MYLIP: variants seen among roughly 807,000 people sequenced by gnomAD.
The protein encoded by MYLIP is myosin regulatory light chain interacting protein.
A neutral mutation model predicts 45.8 loss-of-function variants in MYLIP; 26 were observed. The ratio of observed to expected loss-of-function variants is 0.57; its 90% CI spans 0.42 to 0.79. The LOEUF (loss-of-function observed/expected upper bound fraction) is 0.79. MYLIP is among the 30% of genes least tolerant of loss of function. The pLI, the probability that MYLIP is intolerant of heterozygous loss-of-function variation, is 0.00. For missense variants in MYLIP, 494 were observed against 555.6 expected, an observed-to-expected ratio of 0.89 and a Z score of 1.11; for synonymous variants, 213 against 218.1, an observed-to-expected ratio of 0.98 and a Z score of 0.21.
At chr6:16,158,082 T>G in the MYLIP span, among the ~76,000 whole-genome samples, 3,740 of 152,322 alleles carry the variant, frequency 0.025, 141 homozygotes, top group African/African-American at 0.082. Flanking sequence ...TGGAGGAAGC[T>G]GCTGTGTCAC....
In MYLIP at chr6:16,141,727, G is replaced by T. The variant is rs962630144; in HGVS notation, c.381G>T (p.Lys127Asn). 6.2e-7 allele frequency: 1 copy of T among 1,614,186 alleles called. No homozygotes were observed. Reference sequence around the variant, plus strand: ...TCAGTGCCCTCCTGGCCCAGACCAAGTTTGGAGACTACAACCAGAACACTG... The same window carrying T: ...TCAGTGCCCTCCTGGCCCAGACCAATTTTGGAGACTACAACCAGAACACTG... ...VELSALLAQT[K>N]FGDYNQNTAK... The change falls in exon 3 of 7, where the codon AAG (lysine) becomes AAT (asparagine). Residue 127 changes from lysine to asparagine, a missense_variant. Lys to Asn is a moderately conservative substitution (Grantham distance 94). Coordinates refer to ENST00000356840, the MANE Select transcript of MYLIP (RefSeq NM_013262.4).
At chr6:16,152,806 C>A (rs1446198973), downstream of MYLIP, among the ~76,000 whole-genome samples, 1 of 152,106 alleles carries the variant, frequency 6.6e-6, no homozygotes, top group Non-Finnish European at 1.5e-5. Flanking sequence ...GGAAGGTGAG[C>A]CAGAGCTTGC....
intron 2 of MYLIP, among the ~76,000 whole-genome samples, chr6:16,132,114 T>C (rs1300644690): frequency 6.6e-6 from 1 of 152,242 alleles, no homozygotes; most frequent in Non-Finnish European, 1.5e-5. Context: ...TTTGTAATTA[T>C]TTCAAGATCT....
the MYLIP span, chr6:16,161,327 G>T: frequency 3.2e-6 from 1 of 311,844 alleles, no homozygotes; most frequent in Non-Finnish European, 6.3e-6. Context: ...TCAGATGGGT[G>T]CCCACAATTA....
chr6:16,145,363 C>T (rs1192979522), intron 6 of MYLIP, 46 bp downstream of exon 6: 7 of 1,530,802 alleles, frequency 4.6e-6, no homozygotes, highest in African/African-American at 1.4e-5. Context: ...TCACCTATCC[C>T]TCCTCTTAAC....
chr6:16,150,557 A>G (rs555309097), downstream of MYLIP, among the ~76,000 whole-genome samples: 1 of 152,138 alleles, frequency 6.6e-6, no homozygotes, highest in African/African-American at 2.4e-5. Context: ...TATGCACTAC[A>G]GTGGTGCATG....
In MYLIP at chr6:16,145,053, G is replaced by A; in HGVS notation, c.984G>A (p.Arg328=). The A allele has an allele frequency of 6.2e-7, 1 of 1,614,202 alleles. No individual in the cohort carries two copies. Among genetic ancestry groups the A allele is most frequent in the South Asian group, 1.1e-5 (1 of 91,082 alleles). The change falls in exon 6 of 7, where the codon AGG becomes AGA. Residue 328 remains arginine (R), a synonymous_variant. Coordinates refer to ENST00000356840, the MANE Select transcript of MYLIP (RefSeq NM_013262.4). ...TSKEVYDHAR[R]ALYNAGVVDL... ...AGGAGGTGTATGACCATGCCAGGAG[G>A]GCTCTGTACAATGCTGGCGTTGTGG...
chr6:16,143,023 T>C lies in MYLIP; in HGVS notation c.468T>C (p.Ile156=), dbSNP rs1759705049. ...KELSSATLNS[I]VAKHKELEGT... Reference sequence around the variant, plus strand: ...CTGTCCTCTTGGTGTCCTCCAGCATTGTTGCAAAACATAAGGAGTTGGAGG... The same window carrying C: ...CTGTCCTCTTGGTGTCCTCCAGCATCGTTGCAAAACATAAGGAGTTGGAGG... Residue 156 remains isoleucine (I), a synonymous_variant, in exon 4 of 7, where the codon ATT becomes ATC. Transcript: ENST00000356840. 1 of 1,613,790 alleles carries C rather than the reference T, an allele frequency of 6.2e-7. No homozygotes were observed. The highest frequency in any genetic ancestry group is 1.7e-4 in the Middle Eastern group (1 of 6,060).
downstream of MYLIP, among the ~76,000 whole-genome samples, chr6:16,150,239 T>C (rs1759860602): frequency 6.6e-6 from 1 of 152,140 alleles, no homozygotes; most frequent in African/African-American, 2.4e-5. Context: ...AGGAGACAGC[T>C]GCAAAGAGGC....
At position 16,145,043 on chromosome 6, in the gene MYLIP, A is replaced by G. The variant is rs926169086; in HGVS notation, c.974A>G (p.His325Arg). Residue 325 changes from histidine (H) to arginine (R), a missense_variant, in exon 6 of 7, where the codon CAT becomes CGT. Coordinates refer to ENST00000356840, the MANE Select transcript of MYLIP (RefSeq NM_013262.4). ...IKRTSKEVYD[H>R]ARRALYNAGV... ...AGAACATCAAAGGAGGTGTATGACC[A>G]TGCCAGGAGGGCTCTGTACAATGCT... is the stretch of plus-strand genomic sequence containing the variant. 18 of 1,614,104 alleles carry G rather than the reference A, an allele frequency of 1.1e-5. No individual in the cohort carries two copies. The highest frequency in any genetic ancestry group is 1.5e-5 in the Non-Finnish European group (18 of 1,180,034).
rs1002163490 is a variant in MYLIP at position 16,131,856 on chromosome 6, G to A, written c.278+1109G>A. On this transcript the variant is annotated intron_variant, in intron 2 of 6. Transcript: ENST00000356840. ...TCGAGCTTTAAAGGTTGAGGCAGAC[G>A]TTTAATTTTGTTTCTGAATGAAGAT... 3.9e-5 allele frequency among the ~76,000 whole-genome samples: 6 copies of A among 152,162 alleles called. No individual in the cohort carries two copies. In the East Asian group the frequency reaches 9.6e-4, roughly 24 times the overall value.
intron 2 of MYLIP, 151 bp from the exon 3 acceptor site, chr6:16,141,474 A>G (rs561261371): frequency 4.4e-6 from 3 of 685,550 alleles, no homozygotes; most frequent in Non-Finnish European, 7.0e-6. Context: ...CTTAATACTG[A>G]TGATTTTTTT....
Position 16,129,451 on chromosome 6 carries a change from A to G in MYLIP, c.87+42A>G, listed in dbSNP as rs1197260134. 2 of 1,508,056 alleles carry G rather than the reference A, an allele frequency of 1.3e-6. No individual in the cohort carries two copies. The highest frequency in any genetic ancestry group is 2.6e-5 in the East Asian group (1 of 37,938). 93.4% of individuals were successfully genotyped at this position (1,508,056 alleles called of 1,614,324 possible). A position where few individuals can be genotyped will look rare whatever the true frequency, so the allele number is the denominator to read the frequency against. ...AGAAGGGGCCCCGGCGGGTCCCGCG[A>G]GGCCGAGGGGCCTCGCAGCGACGCC... On this transcript the variant is annotated intron_variant, in intron 1 of 6. Transcript: ENST00000356840. This position sits in a 1 kb window ranked among gnomAD's most constrained non-coding sequence, Gnocchi z 5.1.
chr6:16,146,169 T>C (rs1759786368), intron 6 of MYLIP, among the ~76,000 whole-genome samples: 1 of 152,186 alleles, frequency 6.6e-6, no homozygotes, highest in Non-Finnish European at 1.5e-5. Flanking sequence ...ACGGGCTTTC[T>C]GAGAAGTCAG....
At chr6:16,138,338 G>A (rs774854096) in intron 2 of MYLIP, among the ~76,000 whole-genome samples, 23 of 151,858 alleles carry the variant, frequency 1.5e-4, no homozygotes, top group Admixed American at 9.2e-4. Context: ...AAAAGGAGGG[G>A]GCAAAACCCA....
At chr6:16,137,836 G>A (rs1759586870) in intron 2 of MYLIP, among the ~76,000 whole-genome samples, 1 of 152,014 alleles carries the variant, frequency 6.6e-6, no homozygotes, top group Admixed American at 6.5e-5. Flanking sequence ...GTAAGAATAT[G>A]TGATTCATTT....
At chr6:16,159,337 G>A in the MYLIP span, among the ~76,000 whole-genome samples, 1 of 152,144 alleles carries the variant, frequency 6.6e-6, no homozygotes, top group African/African-American at 2.4e-5. Flanking sequence ...AAGCATTGGC[G>A]CCAGCTCCCT....
At chr6:16,132,278 A>G (rs1296586747) in intron 2 of MYLIP, among the ~76,000 whole-genome samples, 1 of 152,202 alleles carries the variant, frequency 6.6e-6, no homozygotes, top group Admixed American at 6.5e-5. Flanking sequence ...TGACTAGTAG[A>G]TGGTCTCTAC....
intron 2 of MYLIP, among the ~76,000 whole-genome samples, chr6:16,134,530 G>A (rs1759513128): frequency 6.6e-6 from 1 of 152,106 alleles, no homozygotes; most frequent in South Asian, 2.1e-4. Flanking sequence ...TTTCCTAAAA[G>A]AAACTACCAC....
Sources: allele counts gnomAD v4.1 joint callset (sites outside exome capture counted in the v4.1 genomes callset), GRCh38; gene constraint gnomAD v4.1.1; non-coding constraint Gnocchi (gnomAD v3.1); transcripts MANE v1.5; gene names NCBI Gene and HGNC (gene_info 2026-07-23, HGNC 2026-07-21).